CCDC137: variants seen among roughly 807,000 people sequenced by gnomAD.
CCDC137 encodes the protein coiled-coil domain-containing protein 137.
A neutral mutation model predicts 30.4 loss-of-function variants in CCDC137; 24 were observed. The observed-to-expected ratio is 0.79, with a 90% CI of 0.57 to 1.11. The LOEUF (loss-of-function observed/expected upper bound fraction) is 1.11. CCDC137 is among the 50% of genes least tolerant of loss of function. The pLI, the probability that CCDC137 is intolerant of heterozygous loss-of-function variation, is 0.00. For synonymous variants in CCDC137, 182 were observed against 155.7 expected (o/e 1.17, Z -1.26); for missense variants, 417 against 380.4 (o/e 1.10, Z -0.80).
chr17:81,672,189 C>T (rs1328130396), intron 5 of CCDC137, 34 bp downstream of exon 5: 1 of 1,598,454 alleles, frequency 6.3e-7, no homozygotes, highest in East Asian at 2.2e-5. Context: ...TGAGTTTGTC[C>T]CCCAGTGCTG....
intron 1 of CCDC137, 45 bp downstream of exon 1, chr17:81,666,945 G>A: frequency 1.6e-6 from 2 of 1,243,924 alleles, no homozygotes; most frequent in Non-Finnish European, 2.0e-6. Context: ...CCCAGAGAAG[G>A]GGACGCCTTG....
rs758736888 is a variant in CCDC137, at chr17:81,672,162, GGGGCAC to G, written c.660+11_660+16del. ...GAGCGTAAGCAAGGACCAGGTAAGT[GGGGCAC>G]GGGGACAACTTGAGTTTGTCCCCCA... is the stretch of plus-strand genomic sequence containing the variant. On this transcript the variant is annotated splice_region_variant and intron_variant, in intron 5 of 5. Transcript: ENST00000329214. 74 of 1,613,700 alleles carry G rather than the reference GGGGCAC, an allele frequency of 4.6e-5. 1 individual carries two copies. The East Asian group carries it at 1.1e-3, about 25-fold the overall frequency.
chr17:81,671,905 TG>T, intron 4 of CCDC137, 79 bp downstream of exon 4: 3 of 1,533,064 alleles, frequency 2.0e-6, no homozygotes, highest in Admixed American at 1.7e-5. Flanking sequence ...CCACCAGCCC[TG>T]GCTGCACTGG....
At chr17:81,669,615 A>T (rs1457020246) in intron 2 of CCDC137, among the ~76,000 whole-genome samples, 1 of 151,688 alleles carries the variant, frequency 6.6e-6, no homozygotes, top group Non-Finnish European at 1.5e-5. Context: ...GCTGGAGTGC[A>T]GTGGCGCAAT....
At position 81,669,321 on chromosome 17, in the gene CCDC137, T is replaced by C. The variant is rs952650768; in HGVS notation, c.269-904T>C. Among the ~76,000 whole-genome samples the C allele has an allele frequency of 7.9e-5, 12 of 151,602 alleles. No homozygotes were observed. In the East Asian group the frequency reaches 2.3e-3, roughly 30 times the overall value. ...CCACCATGCCCGGCTCGTTTTTGTA[T>C]TTTTAGTAAAGGCTGGGTTTTGCCA... On this transcript the variant is annotated intron_variant, in intron 2 of 5. Coordinates refer to ENST00000329214, the MANE Select transcript of CCDC137 (RefSeq NM_199287.3).
chr17:81,672,351 A>C (rs947361618), intron 5 of CCDC137, 144 bp from the exon 6 acceptor site: 11 of 932,818 alleles, frequency 1.2e-5, no homozygotes, highest in South Asian at 1.0e-4. Flanking sequence ...AAAAAAAAAA[A>C]CCCTCAGCCA....
intron 2 of CCDC137, 149 bp downstream of exon 2, chr17:81,668,011 T>A: frequency 1.0e-6 from 1 of 988,990 alleles, no homozygotes; most frequent in Non-Finnish European, 1.4e-6. Context: ...GCTAAAGCAG[T>A]GGCTGGCAGC....
At position 81,667,794 on chromosome 17, in the gene CCDC137, T is replaced by G. The variant is rs1448238370; in HGVS notation, c.200T>G (p.Leu67Arg). The G allele has an allele frequency of 1.2e-6, 2 of 1,612,840 alleles. No homozygotes were observed. Among genetic ancestry groups the G allele is most frequent in the East Asian group, 4.5e-5 (2 of 44,890 alleles). Residue 67 changes from leucine to arginine, a missense_variant, in exon 2 of 6, where the codon CTC becomes CGC. Transcript: ENST00000329214. ...GACGAACAGGAGATTCCTTTCCGGC[T>G]CCGGGAGATTATGAGGAGCCGCCAA... ...NQDEQEIPFR[L>R]REIMRSRQEM...
intron 1 of CCDC137, chr17:81,667,113 TC>T: frequency 2.2e-6 from 1 of 449,740 alleles, no homozygotes; most frequent in Non-Finnish European, 3.6e-6. Context: ...CTTTCCCGCG[TC>T]CCAGTGTCCC....
At chr17:81,666,970 G>A (rs1011917798) in intron 1 of CCDC137, 70 bp downstream of exon 1, 3 of 1,236,924 alleles carry the variant, frequency 2.4e-6, no homozygotes, top group South Asian at 7.2e-5. Context: ...CTCCGCCCGG[G>A]ACCCCCTAGG....
Position 81,672,925 on chromosome 17 carries a change from A to C in CCDC137, c.*221A>C. ...CAGACGGCCCGTGGGGCCCGGTGTC[A>C]CTCACAGCTCCATCTCTTTGTTTTG... is the stretch of plus-strand genomic sequence containing the variant. On this transcript the variant is annotated 3_prime_UTR_variant, in exon 6 of 6. Coordinates refer to ENST00000329214, the MANE Select transcript of CCDC137 (RefSeq NM_199287.3). The C allele has an allele frequency of 1.8e-6, 1 of 568,274 alleles. No homozygotes were observed. Among genetic ancestry groups the C allele is most frequent in the Non-Finnish European group, 3.1e-6 (1 of 321,728 alleles). 35.2% of individuals were successfully genotyped at this position (568,274 alleles called of 1,614,324 possible). A position where few individuals can be genotyped will look rare whatever the true frequency, so the allele number is the denominator to read the frequency against.
In CCDC137 at chr17:81,672,247, G is replaced by A; in HGVS notation, c.660+92G>A. The A allele has an allele frequency of 3.8e-6, 5 of 1,331,066 alleles. No homozygotes were observed. In the South Asian group the frequency reaches 4.8e-5, roughly 13 times the overall value. 82.5% of individuals were successfully genotyped at this position (1,331,066 alleles called of 1,614,324 possible). A position where few individuals can be genotyped will look rare whatever the true frequency, so the allele number is the denominator to read the frequency against. ...AGGCTGGACACGGTGGGTCACACCT[G>A]TAATCCCAGCACATTGGGAGGCCAA... On this transcript the variant is annotated intron_variant, in intron 5 of 5. Coordinates refer to ENST00000329214, the MANE Select transcript of CCDC137 (RefSeq NM_199287.3).
intron 3 of CCDC137, chr17:81,671,535 C>A (rs1488559672): frequency 7.0e-6 from 4 of 567,580 alleles, no homozygotes; most frequent in Admixed American, 3.0e-5. Context: ...CACTGGGGGA[C>A]CTGTGAGGGG....
rs188624573 is a variant in CCDC137 at position 81,671,805 on chromosome 17, C to A, written c.559C>A (p.Leu187Met). 1 of 1,613,456 alleles carries A rather than the reference C, an allele frequency of 6.2e-7. No homozygotes were observed. The highest frequency in any genetic ancestry group is 1.3e-5 in the African/African-American group (1 of 74,794). ...AAAGGAGGAAAAGGCGGCAGACAGG[C>A]TGGAGCAGGAGTTGCTCCGAGGTAG... is the stretch of plus-strand genomic sequence containing the variant. Reference protein sequence around the residue: ...RKKEEKAADRLEQELLRDTVK... With the variant: ...RKKEEKAADRMEQELLRDTVK... The change falls in exon 4 of 6, where the codon CTG becomes ATG. Residue 187 changes from leucine to methionine, a missense_variant. Coordinates refer to ENST00000329214, the MANE Select transcript of CCDC137 (RefSeq NM_199287.3).
In CCDC137 at chr17:81,667,749, A is replaced by G; in HGVS notation, c.155A>G (p.Asn52Ser). The G allele has an allele frequency of 6.2e-7, 1 of 1,613,852 alleles. No individual in the cohort carries two copies. Among genetic ancestry groups the G allele is most frequent in the Non-Finnish European group, 8.5e-7 (1 of 1,179,992 alleles). The change falls in exon 2 of 6, where the codon AAC becomes AGC. Residue 52 changes from asparagine (N) to serine (S), a missense_variant. Transcript: ENST00000329214. ...CCCAGCAAAGAGAAGAAGAAAGTGA[A>G]CTGCAAGCCCAAGAACCAGGACGAA... is the stretch of plus-strand genomic sequence containing the variant. ...GLRSKEKKKV[N>S]CKPKNQDEQE...
intron 2 of CCDC137, 179 bp from the exon 3 acceptor site, chr17:81,670,046 G>A (rs1363223685): frequency 3.3e-6 from 2 of 600,106 alleles, no homozygotes; most frequent in Non-Finnish European, 6.0e-6. Context: ...TGGGCTGGGG[G>A]GTCACGTCCC....
chr17:81,667,956 A>G, intron 2 of CCDC137, 94 bp downstream of exon 2: 2 of 1,431,644 alleles, frequency 1.4e-6, no homozygotes, highest in East Asian at 2.5e-5. Context: ...GGCAGAGGAA[A>G]TATGCCAAGA....
chr17:81,670,346 G>A lies in CCDC137; in HGVS notation c.390G>A (p.Gln130=). 6.2e-7 allele frequency: 1 copy of A among 1,613,992 alleles called. No homozygotes were observed. The highest frequency in any genetic ancestry group is 1.1e-5 in the South Asian group (1 of 91,086). Residue 130 remains glutamine (Q), a synonymous_variant, in exon 3 of 6, where the codon CAG becomes CAA. Transcript: ENST00000329214. ...ESDGAYIHRM[Q]QEAQHVLFLS... ...ACGGGGCCTATATCCACCGCATGCA[G>A]CAAGAGGCCCAGCATGTGCTGTTCC... is the stretch of plus-strand genomic sequence containing the variant.
chr17:81,666,912 G>A lies in CCDC137; in HGVS notation c.134+12G>A. ...CCCGGGCTTCGCAGGTGACTGCGCT[G>A]CCCCGCGAGGCCGCCACACTTCCCC... On this transcript the variant is annotated intron_variant, in intron 1 of 5. Transcript: ENST00000329214. 8.0e-7 allele frequency: 1 copy of A among 1,256,384 alleles called. No individual in the cohort carries two copies. The highest frequency in any genetic ancestry group is 3.0e-5 in the South Asian group (1 of 33,608). The allele number at this position is 1,256,384 out of a possible 1,614,324, so 77.8% of individuals were successfully genotyped here. A position where few individuals can be genotyped will look rare whatever the true frequency, so the allele number is the denominator to read the frequency against.
Sources: allele counts gnomAD v4.1 joint callset (sites outside exome capture counted in the v4.1 genomes callset), GRCh38; gene constraint gnomAD v4.1.1; transcripts MANE v1.5; gene names NCBI Gene and HGNC (gene_info 2026-07-23, HGNC 2026-07-21).